The following RPN2 variants were observed in gnomAD, a reference collection of about 807,000 sequenced individuals.
RPN2 encodes the protein ribophorin II, also known as dolichyl-diphosphooligosaccharide--protein glycosyltransferase subunit 2.
A neutral mutation model predicts 71.4 loss-of-function variants in RPN2; 29 were observed. That is an observed-to-expected ratio of 0.41 (90% confidence interval 0.30 to 0.55). The LOEUF (loss-of-function observed/expected upper bound fraction) is 0.55. Ranked by LOEUF, RPN2 falls within the 20% of genes least tolerant of loss-of-function variation. The probability of loss-of-function intolerance (pLI) is 0.35; values close to 1 mark genes in which losing one functional copy is unlikely to be tolerated. For missense variants in RPN2, 726 were observed against 774.1 expected (o/e 0.94, Z 0.74); for synonymous variants, 308 against 305.0 (o/e 1.01, Z -0.10).
chr20:37,228,702 C>T lies in RPN2; in HGVS notation c.1452C>T (p.Ile484=). 6.2e-7 allele frequency: 1 copy of T among 1,614,232 alleles called. No individual in the cohort carries two copies. The highest frequency in any genetic ancestry group is 8.5e-7 in the Non-Finnish European group (1 of 1,180,026). ...SASGTYTLYL[I]IGDATLKNPI... is the part of the protein sequence containing the mutation. ...CTGGCACCTACACTCTCTACTTAAT[C>T]ATTGGAGATGCCACTTTGAAGAACC... The change falls in exon 12 of 17, where the codon ATC becomes ATT. Residue 484 remains isoleucine (I), a synonymous_variant. Coordinates refer to ENST00000237530, the MANE Select transcript of RPN2 (RefSeq NM_002951.5).
rs770535836 is a variant in RPN2 at position 37,223,903 on chromosome 20, T to C, written c.1118T>C (p.Val373Ala). The C allele has an allele frequency of 4.3e-6, 7 of 1,614,168 alleles. No homozygotes were observed. Among genetic ancestry groups the C allele is most frequent in the South Asian group, 1.1e-5 (1 of 91,088 alleles). ...CTCAGAGTCAAGATCTCCACTGAAG[T>C]TGGCATCACAAATGTTGATCTTTCC... Reference protein sequence around the residue: ...VELRVKISTEVGITNVDLSTV... With the variant: ...VELRVKISTEAGITNVDLSTV... Residue 373 changes from valine (V) to alanine (A), a missense_variant, in exon 10 of 17, where the codon GTT becomes GCT. Val to Ala is a moderately conservative substitution (Grantham distance 64). Coordinates refer to ENST00000237530, the MANE Select transcript of RPN2 (RefSeq NM_002951.5).
intron 4 of RPN2, among the ~76,000 whole-genome samples, chr20:37,202,314 G>A (rs994166838): frequency 7.2e-5 from 11 of 152,088 alleles, no homozygotes; most frequent in African/African-American, 2.4e-4. Context: ...AATACTCTGG[G>A]GCTTGTCTCT....
At chr20:37,189,957 T>C (rs1337111333) in intron 2 of RPN2, among the ~76,000 whole-genome samples, 2 of 152,216 alleles carry the variant, frequency 1.3e-5, no homozygotes, top group East Asian at 1.9e-4. Flanking sequence ...GTGATGTCTT[T>C]AGAGGCCCTG....
Position 37,225,818 on chromosome 20 carries a change from A to G in RPN2, c.1299+16A>G. On this transcript the variant is annotated intron_variant, in intron 11 of 16. Coordinates refer to ENST00000237530, the MANE Select transcript of RPN2 (RefSeq NM_002951.5). ...TCCTCACCAGGTCAGGAAGACACCT[A>G]GACAGTTCTCTTAACCTGAAATGTG... 1 of 1,529,224 alleles carries G rather than the reference A, an allele frequency of 6.5e-7. No individual in the cohort carries two copies. The highest frequency in any genetic ancestry group is 9.1e-7 in the Non-Finnish European group (1 of 1,102,660). The allele number at this position is 1,529,224 out of a possible 1,614,324, so 94.7% of individuals were successfully genotyped here. A position where few individuals can be genotyped will look rare whatever the true frequency, so the allele number is the denominator to read the frequency against.
intron 2 of RPN2, among the ~76,000 whole-genome samples, chr20:37,187,501 C>CA (rs532495023): frequency 0.023 from 199 of 8,698 alleles, 61 homozygotes; most frequent in Non-Finnish European, 0.036. Flanking sequence ...GACTCCGTCT[C>CA]AAAAAAAAAA....
rs77568639 is a variant in RPN2, at chr20:37,239,573, ATTTGTTTGTTTG to A, written c.1884-1706_1884-1695del. On this transcript the variant is annotated intron_variant, in intron 16 of 16. Coordinates refer to ENST00000237530, the MANE Select transcript of RPN2 (RefSeq NM_002951.5). ...AGTCCTCAACACAGAAGGGAACTGC[ATTTGTTTGTTTG>A]TTTGTTTGTTTGTTTGTTTGTTTCC... 6.3e-3 allele frequency among the ~76,000 whole-genome samples: 948 copies of A among 149,550 alleles called. 2 individuals are homozygous for A. Among genetic ancestry groups the A allele is most frequent in the Non-Finnish European group, 9.4e-3 (630 of 66,802 alleles).
In RPN2 at chr20:37,236,595, T is replaced by G. The variant is rs755582544; in HGVS notation, c.1769T>G (p.Met590Arg). ...HLGHAAMLGL[M>R]YVYWTQLNMF... is the part of the protein sequence containing the mutation. Reference sequence around the variant, plus strand: ...CTTCTTGCAGCTATGCTGGGACTCATGTATGTCTACTGGACTCAGCTCAAC... The same window carrying G: ...CTTCTTGCAGCTATGCTGGGACTCAGGTATGTCTACTGGACTCAGCTCAAC... Residue 590 changes from methionine (M) to arginine (R), a missense_variant, in exon 16 of 17, where the codon ATG becomes AGG. By Grantham distance (91) the Met-to-Arg change is moderately conservative. Coordinates refer to ENST00000237530, the MANE Select transcript of RPN2 (RefSeq NM_002951.5). 6.2e-7 allele frequency: 1 copy of G among 1,614,154 alleles called. No homozygotes were observed. Among genetic ancestry groups the G allele is most frequent in the Non-Finnish European group, 8.5e-7 (1 of 1,179,986 alleles).
At chr20:37,196,466 C>T (rs2067259844) in intron 2 of RPN2, among the ~76,000 whole-genome samples, 1 of 152,124 alleles carries the variant, frequency 6.6e-6, no homozygotes. Flanking sequence ...ATCTCCTGAC[C>T]TTGTGATCTG....
intron 11 of RPN2, among the ~76,000 whole-genome samples, chr20:37,227,744 T>TA (rs1816719686): frequency 6.6e-6 from 1 of 152,254 alleles, no homozygotes. Context: ...TCTGGGTAGT[T>TA]ATCAAGTTTT....
At chr20:37,226,216 G>A (rs1003586598) in intron 11 of RPN2, among the ~76,000 whole-genome samples, 1 of 152,098 alleles carries the variant, frequency 6.6e-6, no homozygotes, top group Non-Finnish European at 1.5e-5. Flanking sequence ...TGGGATACAG[G>A]CATGCATTAC....
At position 37,198,471 on chromosome 20, in the gene RPN2, C is replaced by T. The variant is rs752257699; in HGVS notation, c.282C>T (p.Ser94=). The change falls in exon 3 of 17, where the codon AGC becomes AGT. Residue 94 remains serine, a synonymous_variant. Coordinates refer to ENST00000237530, the MANE Select transcript of RPN2 (RefSeq NM_002951.5). ...VDSLFYAAQA[S]QALSGCEISI... ...CCCTCTTCTACGCTGCCCAGGCCAG[C>T]CAGGCCCTCTCAGGATGTGAGGTGA... is the stretch of plus-strand genomic sequence containing the variant. The T allele has an allele frequency of 1.9e-6, 3 of 1,614,224 alleles. No individual in the cohort carries two copies. The highest frequency in any genetic ancestry group is 1.1e-5 in the South Asian group (1 of 91,080).
At chr20:37,194,159 T>C (rs2067205392) in intron 2 of RPN2, among the ~76,000 whole-genome samples, 1 of 151,962 alleles carries the variant, frequency 6.6e-6, no homozygotes, top group Non-Finnish European at 1.5e-5. Flanking sequence ...AGAAGCCAAA[T>C]TGGAATGAGT....
chr20:37,205,874 T>C (rs771792467), intron 6 of RPN2, among the ~76,000 whole-genome samples: 2 of 152,234 alleles, frequency 1.3e-5, no homozygotes, highest in Non-Finnish European at 2.9e-5. Flanking sequence ...AATGATATTG[T>C]ACTTATACAA....
At position 37,230,031 on chromosome 20, in the gene RPN2, A is replaced by G; in HGVS notation, c.1553A>G (p.Asn518Ser). The G allele has an allele frequency of 1.9e-6, 3 of 1,614,106 alleles. No individual in the cohort carries two copies. Among genetic ancestry groups the G allele is most frequent in the Non-Finnish European group, 2.5e-6 (3 of 1,179,988 alleles). ...EEAPSTVLSQNLFTPKQEIQH... is the reference protein window; with the variant it reads ...EEAPSTVLSQSLFTPKQEIQH... ...GCTCCCTCGACTGTCTTGTCCCAGA[A>G]CCTTTTCACTCCAAAACAGGAAATT... Residue 518 changes from asparagine to serine, a missense_variant, in exon 13 of 17, where the codon AAC becomes AGC. Physicochemically the swap from Asn to Ser is conservative, Grantham distance 46. Transcript: ENST00000237530.
intron 15 of RPN2, among the ~76,000 whole-genome samples, chr20:37,236,363 A>C (rs2068392228): frequency 6.6e-6 from 1 of 152,244 alleles, no homozygotes; most frequent in African/African-American, 2.4e-5. Flanking sequence ...TTGGGATTAC[A>C]GGTGTGAGCC....
chr20:37,208,368 G>T (rs1270981120), intron 7 of RPN2, among the ~76,000 whole-genome samples: 1 of 151,364 alleles, frequency 6.6e-6, no homozygotes, highest in Admixed American at 6.6e-5. Context: ...CATCTAAAAT[G>T]CACTTCCCAA....
intron 16 of RPN2, among the ~76,000 whole-genome samples, chr20:37,240,016 C>T (rs1404046457): frequency 2.0e-5 from 3 of 152,174 alleles, no homozygotes; most frequent in Non-Finnish European, 4.4e-5. Context: ...GCTTTGGCCC[C>T]TAAAAGTGCT....
intron 1 of RPN2, chr20:37,179,653 C>T (rs1600719409): frequency 3.5e-6 from 2 of 569,926 alleles, no homozygotes; most frequent in South Asian, 3.7e-5. Flanking sequence ...TAGCCTAGGT[C>T]TGGCCTCATT....
At chr20:37,216,939 C>CT (rs66732250) in intron 9 of RPN2, among the ~76,000 whole-genome samples, 112,957 of 149,006 alleles carry the variant, frequency 0.76, 43,167 homozygotes, top group Middle Eastern at 0.89. Context: ...CTTTTTCTTT[C>CT]TTTTTTTTTG....
Sources: allele counts gnomAD v4.1 joint callset (sites outside exome capture counted in the v4.1 genomes callset), GRCh38; gene constraint gnomAD v4.1.1; transcripts MANE v1.5; gene names NCBI Gene and HGNC (gene_info 2026-07-23, HGNC 2026-07-21).